Variants in PPP1R3B observed in about 807,000 individuals in gnomAD.
PPP1R3B encodes the protein PP1 subunit R4.
In PPP1R3B, 8 loss-of-function variants were observed where a neutral mutation model predicts 14.6. The ratio of observed to expected loss-of-function variants is 0.55; its 90% CI spans 0.32 to 0.99. The LOEUF is 0.99. Ranked by LOEUF, PPP1R3B falls within the 50% of genes least tolerant of loss-of-function variation. The pLI is 0.04. For synonymous variants in PPP1R3B, 169 were observed against 142.0 expected (o/e 1.19, Z -1.35); for missense variants, 452 against 360.1 (o/e 1.26, Z -2.07).
At chr8:9,147,420 A>C (rs967400683) in intron 1 of PPP1R3B, among the ~76,000 whole-genome samples, 1 of 152,126 alleles carries the variant, frequency 6.6e-6, no homozygotes, top group Non-Finnish European at 1.5e-5. Context: ...TCCTCTTCAC[A>C]GCTTCCTCCT....
At chr8:9,147,936 T>C (rs1801289650) in intron 1 of PPP1R3B, among the ~76,000 whole-genome samples, 1 of 152,158 alleles carries the variant, frequency 6.6e-6, no homozygotes, top group Non-Finnish European at 1.5e-5. Flanking sequence ...CTAGAATCCC[T>C]TCACTTTGTG....
chr8:9,145,813 C>T (rs1353161003), intron 1 of PPP1R3B, among the ~76,000 whole-genome samples: 2 of 152,106 alleles, frequency 1.3e-5, no homozygotes, highest in Non-Finnish European at 2.9e-5. Flanking sequence ...AAAAAAAATC[C>T]TCAAATATTT....
chr8:9,145,005 C>T lies in PPP1R3B; in HGVS notation c.-17-3337G>A, dbSNP rs370503434. Among the ~76,000 whole-genome samples, 16 of 152,252 alleles carry T rather than the reference C, an allele frequency of 1.1e-4. No individual in the cohort carries two copies. In the East Asian group the frequency reaches 3.1e-3, roughly 29 times the overall value. ...AGGTGATCCACCCGCCTCGGCCTCC[C>T]AAAGTGCTGGGATTGCAGGCGGGGA... On this transcript the variant is annotated intron_variant, in intron 1 of 1. Transcript: ENST00000310455.
Position 9,136,870 on chromosome 8 carries a change from G to C in PPP1R3B, c.*3924C>G, listed in dbSNP as rs1398053398. ...TCATCCCCTATCCATTGAGAGGGAA[G>C]ATCCAGAAAATGGGCAGTTCCAAAA... On this transcript the variant is annotated 3_prime_UTR_variant, in exon 2 of 2. Coordinates refer to ENST00000310455, the MANE Select transcript of PPP1R3B (RefSeq NM_024607.4). The C allele has an allele frequency of 6.6e-6, 1 of 152,220 alleles. No homozygotes were observed. The highest frequency in any genetic ancestry group is 2.4e-5 in the African/African-American group (1 of 41,450). 9.4% of individuals were successfully genotyped at this position (152,220 alleles called of 1,614,324 possible). A position where few individuals can be genotyped will look rare whatever the true frequency, so the allele number is the denominator to read the frequency against.
chr8:9,141,228 C>A lies in PPP1R3B; in HGVS notation c.424G>T (p.Asp142Tyr). 6.2e-7 allele frequency: 1 copy of A among 1,614,174 alleles called. No individual in the cohort carries two copies. The highest frequency in any genetic ancestry group is 8.5e-7 in the Non-Finnish European group (1 of 1,180,030). Reference sequence around the variant, plus strand: ...TTCACAGTGCCTGCAATGGCCTTGTCCTTGAGCACACAGTTCTCAAGGCAG... The same window carrying A: ...TTCACAGTGCCTGCAATGGCCTTGTACTTGAGCACACAGTTCTCAAGGCAG... ...HVCLENCVLKDKAIAGTVKVQ... is the reference protein window; with the variant it reads ...HVCLENCVLKYKAIAGTVKVQ... Residue 142 changes from aspartate to tyrosine, a missense_variant, in exon 2 of 2, where the codon GAC (aspartate) becomes TAC (tyrosine). By Grantham distance (160) the Asp-to-Tyr change is radical. Transcript: ENST00000310455.
At chr8:9,151,194 G>A (rs1801419992), upstream of PPP1R3B, among the ~76,000 whole-genome samples, 2 of 152,160 alleles carry the variant, frequency 1.3e-5, no homozygotes, top group Non-Finnish European at 2.9e-5. Context: ...GCTCCCTGGG[G>A]CCAGCTACCT....
intron 1 of PPP1R3B, among the ~76,000 whole-genome samples, chr8:9,148,481 A>ACC (rs1801308698): frequency 6.6e-6 from 1 of 152,210 alleles, no homozygotes; most frequent in Admixed American, 6.5e-5. Context: ...GAATGAGTGT[A>ACC]TGAGTGCTGC....
intron 1 of PPP1R3B, among the ~76,000 whole-genome samples, chr8:9,142,962 T>A (rs1006753140): frequency 3.1e-4 from 47 of 152,344 alleles, no homozygotes; most frequent in African/African-American, 1.1e-3. Context: ...AACGCTGCAA[T>A]GAACATAAGA....
chr8:9,141,200 A>G lies in PPP1R3B; in HGVS notation c.452T>C (p.Val151Ala). Residue 151 changes from valine to alanine, a missense_variant, in exon 2 of 2, where the codon GTT (valine) becomes GCT (alanine). By Grantham distance (64) the Val-to-Ala change is moderately conservative. Transcript: ENST00000310455. ...KDKAIAGTVK[V>A]QNLAFEKTVK... ...GGTCTTCTCAAATGCGAGGTTCTGA[A>G]CCTTCACAGTGCCTGCAATGGCCTT... 6.2e-7 allele frequency: 1 copy of G among 1,614,184 alleles called. No homozygotes were observed. Among genetic ancestry groups the G allele is most frequent in the African/African-American group, 1.3e-5 (1 of 75,040 alleles).
intron 1 of PPP1R3B, among the ~76,000 whole-genome samples, chr8:9,145,097 T>A (rs1029751057): frequency 6.6e-6 from 1 of 151,750 alleles, no homozygotes; most frequent in Non-Finnish European, 1.5e-5. Flanking sequence ...TAAAAAAGAT[T>A]CAAATGAAAT....
At chr8:9,144,521 T>C (rs1335132188) in intron 1 of PPP1R3B, among the ~76,000 whole-genome samples, 3 of 152,172 alleles carry the variant, frequency 2.0e-5, no homozygotes, top group Admixed American at 6.5e-5. Context: ...TTAGTTAAAA[T>C]TGGTACAAAC....
At position 9,141,424 on chromosome 8, in the gene PPP1R3B, G is replaced by T; in HGVS notation, c.228C>A (p.Val76=). The part of the protein sequence containing the change: ...ADNQGLALTM[V]KVFSEFDDPL... ...GGTCATCGAATTCCGAGAACACTTT[G>T]ACCATTGTCAGGGCCAGCCCCTGGT... The change falls in exon 2 of 2, where the codon GTC becomes GTA. Residue 76 remains valine (V), a synonymous_variant. Coordinates refer to ENST00000310455, the MANE Select transcript of PPP1R3B (RefSeq NM_024607.4). 1 of 1,614,156 alleles carries T rather than the reference G, an allele frequency of 6.2e-7. No individual in the cohort carries two copies.
At chr8:9,151,078 C>G (rs920328285), upstream of PPP1R3B, among the ~76,000 whole-genome samples, 1 of 152,174 alleles carries the variant, frequency 6.6e-6, no homozygotes, top group Non-Finnish European at 1.5e-5. Context: ...GCCGCAGCTC[C>G]CGGGTCACGG....
intron 1 of PPP1R3B, among the ~76,000 whole-genome samples, chr8:9,149,883 A>C (rs1047760365): frequency 6.6e-6 from 1 of 152,202 alleles, no homozygotes; most frequent in African/African-American, 2.4e-5. Flanking sequence ...GCCGTCTAAA[A>C]ACGTACGAGG....
At chr8:9,150,991 C>T (rs1464169981), upstream of PPP1R3B, among the ~76,000 whole-genome samples, 1 of 152,214 alleles carries the variant, frequency 6.6e-6, no homozygotes, top group Non-Finnish European at 1.5e-5. Flanking sequence ...GTCTCCAGAC[C>T]TCTCGGGACC....
intron 1 of PPP1R3B, among the ~76,000 whole-genome samples, chr8:9,149,643 A>G (rs1801356118): frequency 6.6e-6 from 1 of 152,074 alleles, no homozygotes; most frequent in East Asian, 1.9e-4. Context: ...ATGGCCATCT[A>G]CCTCCCTCCA....
chr8:9,151,204 T>G (rs1801420616), upstream of PPP1R3B: 1 of 152,500 alleles, frequency 6.6e-6, no homozygotes, highest in East Asian at 1.9e-4. Flanking sequence ...GCCAGCTACC[T>G]AGAGTGTTCC....
In PPP1R3B at chr8:9,140,356, G is replaced by C; in HGVS notation, c.*438C>G. The C allele has an allele frequency of 5.2e-6, 1 of 193,916 alleles. No individual in the cohort carries two copies. The highest frequency in any genetic ancestry group is 2.4e-3 in the Middle Eastern group (1 of 418). The allele number at this position is 193,916 out of a possible 1,614,324, so 12.0% of individuals were successfully genotyped here. On this transcript the variant is annotated 3_prime_UTR_variant, in exon 2 of 2. Transcript: ENST00000310455. The stretch of plus-strand genomic sequence containing the variant: ...GCAGCTTGCAGGAAAGGCCTGGCTG[G>C]CAGAGAGCACCCAAAGATGAACACA...
At position 9,137,767 on chromosome 8, in the gene PPP1R3B, A is replaced by G. The variant is rs1256343748; in HGVS notation, c.*3027T>C. ...CAAGTAGAGTCTTTTATTGGAGAAG[A>G]AGGGTCTTTGCGAGCAGGTGAGGAC... On this transcript the variant is annotated 3_prime_UTR_variant, in exon 2 of 2. Coordinates refer to ENST00000310455, the MANE Select transcript of PPP1R3B (RefSeq NM_024607.4). The G allele has an allele frequency of 6.6e-6, 1 of 152,206 alleles. No individual in the cohort carries two copies. Among genetic ancestry groups the G allele is most frequent in the Non-Finnish European group, 1.5e-5 (1 of 68,088 alleles). The allele number at this position is 152,206 out of a possible 1,614,324, so 9.4% of individuals were successfully genotyped here.
Sources: gnomAD v4.1 joint callset for allele counts (sites outside exome capture counted in the v4.1 genomes callset) on GRCh38, gnomAD v4.1.1 for gene constraint, MANE v1.5 for transcripts, NCBI Gene and HGNC (gene_info 2026-07-23, HGNC 2026-07-21) for gene names.